Variants in TRIM2 observed in about 807,000 individuals in gnomAD.
The protein encoded by TRIM2 is tripartite motif containing 2, also known as tripartite motif-containing protein 2.
Under a neutral mutation model 75.2 loss-of-function variants are expected in TRIM2, and 20 were observed. The ratio of observed to expected loss-of-function variants is 0.27; its 90% CI spans 0.19 to 0.39. TRIM2 has a LOEUF of 0.39. TRIM2 is among the 10% of genes least tolerant of loss of function. The pLI is 1.00. For synonymous variants in TRIM2, 373 were observed against 388.3 expected, an observed-to-expected ratio of 0.96 and a Z score of 0.46; for missense variants, 660 against 990.8, an observed-to-expected ratio of 0.67 and a Z score of 4.48.
In TRIM2 at chr4:153,195,042, A is replaced by G. The variant is rs1389612711; in HGVS notation, c.-49+41772A>G. Among the ~76,000 whole-genome samples the G allele has an allele frequency of 2.6e-5, 4 of 152,246 alleles. No homozygotes were observed. In the East Asian group the frequency reaches 7.7e-4, roughly 29 times the overall value. On this transcript the variant is annotated intron_variant, in intron 1 of 11. Transcript: ENST00000437508. ...TCTTTGCCAGACCTTATTTAGCATAAGAGTCTTTGCCATTGTAATTAAGGT... is the reference window on the plus strand; with the variant it reads ...TCTTTGCCAGACCTTATTTAGCATAGGAGTCTTTGCCATTGTAATTAAGGT...
At chr4:153,327,240 G>A (rs1015399775) in intron 10 of TRIM2, among the ~76,000 whole-genome samples, 5 of 152,298 alleles carry the variant, frequency 3.3e-5, no homozygotes, top group South Asian at 4.1e-4. Flanking sequence ...TGGCAAGTAC[G>A]TAATGAATTC....
At chr4:153,301,301 A>G (rs1763868837) in intron 6 of TRIM2, among the ~76,000 whole-genome samples, 1 of 152,154 alleles carries the variant, frequency 6.6e-6, no homozygotes, top group African/African-American at 2.4e-5. Context: ...AGTAGCTGGA[A>G]CTATAGGTAT....
Position 153,204,487 on chromosome 4 carries a change from G to A in TRIM2, c.-44G>A, listed in dbSNP as rs775827364. The A allele has an allele frequency of 6.4e-7, 1 of 1,551,222 alleles. No homozygotes were observed. Among genetic ancestry groups the A allele is most frequent in the South Asian group, 1.2e-5 (1 of 84,048 alleles). On this transcript the variant is annotated 5_prime_UTR_variant, in exon 1 of 12. Transcript: ENST00000338700. ...TGGGCCCAGTTGTCTGCGGGCTGCG[G>A]GGAGCTAAGTCCCCAGATTGGAGGA... is the stretch of plus-strand genomic sequence containing the variant.
At chr4:153,292,878 G>T in intron 3 of TRIM2, 104 bp from the exon 4 acceptor site, 13 of 1,099,890 alleles carry the variant, frequency 1.2e-5, no homozygotes, top group Non-Finnish European at 1.6e-5. Flanking sequence ...ACATTCTGGG[G>T]TGGCTCTCAT....
At chr4:153,313,550 T>C (rs907457828) in intron 6 of TRIM2, among the ~76,000 whole-genome samples, 3 of 151,920 alleles carry the variant, frequency 2.0e-5, no homozygotes, top group Non-Finnish European at 4.4e-5. Flanking sequence ...TGTTTTACAT[T>C]AGCCACCACC....
chr4:153,314,381 C>T (rs1478386074), intron 6 of TRIM2, among the ~76,000 whole-genome samples: 5 of 129,436 alleles, frequency 3.9e-5, no homozygotes, highest in Non-Finnish European at 7.6e-5. Flanking sequence ...GATCCCGCCA[C>T]TGCACTCCAG....
intron 1 of TRIM2, among the ~76,000 whole-genome samples, chr4:153,225,355 AT>A (rs1166331887): frequency 6.6e-6 from 1 of 152,190 alleles, no homozygotes; most frequent in Non-Finnish European, 1.5e-5. Context: ...GACAGGAACA[AT>A]GATGGTTTTC....
chr4:153,280,103 T>C (rs1481314511), intron 3 of TRIM2, among the ~76,000 whole-genome samples: 1 of 105,920 alleles, frequency 9.4e-6, no homozygotes, highest in Non-Finnish European at 1.9e-5. Flanking sequence ...AAAAAAGAAT[T>C]CAACTCAAGT....
At chr4:153,244,355 C>CTTCCTCTTCTTCT (rs1748079616) in intron 1 of TRIM2, among the ~76,000 whole-genome samples, 2 of 12,704 alleles carry the variant, frequency 1.6e-4, no homozygotes, top group African/African-American at 5.1e-4. Flanking sequence ...CTTCTTCTTC[C>CTTCCTCTTCTTCT]TCTTCTTCTT....
chr4:153,259,585 C>A (rs994163878), intron 1 of TRIM2, among the ~76,000 whole-genome samples: 7 of 152,080 alleles, frequency 4.6e-5, no homozygotes, highest in African/African-American at 1.7e-4. Context: ...GTTTTTTCTT[C>A]AAAAAATATG....
intron 6 of TRIM2, among the ~76,000 whole-genome samples, chr4:153,312,381 C>G (rs1766556263): frequency 6.6e-6 from 1 of 151,942 alleles, no homozygotes; most frequent in Admixed American, 6.6e-5. Context: ...ACAACCCCAT[C>G]AAAAAGTGGG....
chr4:153,152,414 A>ATATATATG (rs1322203140), upstream of TRIM2: 15 of 143,492 alleles, frequency 1.0e-4, no homozygotes, highest in African/African-American at 3.6e-4. Context: ...GTGTGTATAT[A>ATATATATG]TATATATATA....
chr4:153,339,197 T>A lies in TRIM2; in HGVS notation c.*4231T>A. 1.0e-6 allele frequency: 1 copy of A among 985,830 alleles called. No individual in the cohort carries two copies. The highest frequency in any genetic ancestry group is 1.2e-6 in the Non-Finnish European group (1 of 829,888). The allele number at this position is 985,830 out of a possible 1,614,324, so 61.1% of individuals were successfully genotyped here. A position where few individuals can be genotyped will look rare whatever the true frequency, so the allele number is the denominator to read the frequency against. On this transcript the variant is annotated 3_prime_UTR_variant, in exon 12 of 12. Coordinates refer to ENST00000338700, the MANE Select transcript of TRIM2 (RefSeq NM_015271.5). ...ATACGTACCACAGTATTTTGGATGCTTTAGTCTACAATGAAACTTTCAATT... is the reference window on the plus strand; with the variant it reads ...ATACGTACCACAGTATTTTGGATGCATTAGTCTACAATGAAACTTTCAATT...
At chr4:153,275,445 T>C (rs1464596253) in intron 2 of TRIM2, among the ~76,000 whole-genome samples, 1 of 152,226 alleles carries the variant, frequency 6.6e-6, no homozygotes, top group African/African-American at 2.4e-5. Context: ...ATATTTGATG[T>C]GTTTCTTTCA....
chr4:153,330,290 G>C (rs1771177445), intron 11 of TRIM2, among the ~76,000 whole-genome samples: 1 of 152,156 alleles, frequency 6.6e-6, no homozygotes, highest in Non-Finnish European at 1.5e-5. Flanking sequence ...GAAGATAAGA[G>C]AATACTTCCC....
At chr4:153,264,239 G>A (rs1453206032) in intron 1 of TRIM2, among the ~76,000 whole-genome samples, 1 of 152,152 alleles carries the variant, frequency 6.6e-6, no homozygotes, top group Non-Finnish European at 1.5e-5. Flanking sequence ...TTTTGGCTAA[G>A]GTCAATATCA....
chr4:153,152,840 G>C (rs539677151), upstream of TRIM2, among the ~76,000 whole-genome samples: 1 of 152,304 alleles, frequency 6.6e-6, no homozygotes, highest in South Asian at 2.1e-4. Context: ...CTCTTGTTTT[G>C]TTTCAGAAAT....
intron 3 of TRIM2, among the ~76,000 whole-genome samples, chr4:153,287,596 A>C (rs914095472): frequency 3.3e-5 from 5 of 151,080 alleles, no homozygotes; most frequent in African/African-American, 2.4e-5. Flanking sequence ...ACATATTTTT[A>C]TTTTTCTTTA....
intron 1 of TRIM2, among the ~76,000 whole-genome samples, chr4:153,235,752 C>T (rs28489449): frequency 8.5e-5 from 13 of 152,284 alleles, no homozygotes; most frequent in African/African-American, 2.6e-4. Flanking sequence ...AAGAGCTTTG[C>T]AGTTTTGCAC....
Sources: allele counts gnomAD v4.1 joint callset (sites outside exome capture counted in the v4.1 genomes callset), GRCh38; gene constraint gnomAD v4.1.1; transcripts MANE v1.5; gene names NCBI Gene and HGNC (gene_info 2026-07-23, HGNC 2026-07-21).